The following FSTL5 variants were observed in gnomAD, a reference collection of about 807,000 sequenced individuals.
FSTL5 encodes the protein follistatin-related protein 5.
A neutral mutation model predicts 89.1 loss-of-function variants in FSTL5; 62 were observed. That is an observed-to-expected ratio of 0.70 (90% confidence interval 0.57 to 0.86). The LOEUF (loss-of-function observed/expected upper bound fraction) is 0.86, where lower values mean the gene tolerates loss of function less well. Ranked by LOEUF, FSTL5 falls within the 40% of genes least tolerant of loss-of-function variation. FSTL5 has a pLI of 0.00. For synonymous variants in FSTL5, 383 were observed against 346.2 expected (o/e 1.11, Z -1.18); for missense variants, 1,057 against 1,001.6 (o/e 1.06, Z -0.75).
intron 8 of FSTL5, among the ~76,000 whole-genome samples, chr4:161,555,836 G>A: frequency 6.6e-6 from 1 of 151,692 alleles, no homozygotes; most frequent in Non-Finnish European, 1.5e-5. Context: ...TGGCTACACA[G>A]AGAATGTCTA....
At chr4:162,140,595 T>G (rs183773864) in intron 1 of FSTL5, among the ~76,000 whole-genome samples, 1 of 145,808 alleles carries the variant, frequency 6.9e-6, no homozygotes, top group East Asian at 2.0e-4. Flanking sequence ...TTGGAGGATC[T>G]GACAGATGAG....
At chr4:161,723,959 T>C (rs908295616) in intron 6 of FSTL5, among the ~76,000 whole-genome samples, 1 of 152,116 alleles carries the variant, frequency 6.6e-6, no homozygotes, top group Admixed American at 6.5e-5. Context: ...CTATTAAATG[T>C]TGAAAGCCAT....
chr4:161,508,102 G>T (rs1429468599), intron 11 of FSTL5, among the ~76,000 whole-genome samples: 3 of 151,864 alleles, frequency 2.0e-5, no homozygotes, highest in African/African-American at 7.2e-5. Context: ...AGAAAATTTA[G>T]TTACCTATAA....
intron 4 of FSTL5, among the ~76,000 whole-genome samples, chr4:161,863,997 T>C (rs1434273403): frequency 6.6e-6 from 1 of 152,238 alleles, no homozygotes; most frequent in Non-Finnish European, 1.5e-5. Flanking sequence ...TAACTCAAGG[T>C]GTTCTATTTA....
chr4:161,537,649 C>T (rs1292754356), intron 10 of FSTL5, among the ~76,000 whole-genome samples: 1 of 152,114 alleles, frequency 6.6e-6, no homozygotes, highest in South Asian at 2.1e-4. Flanking sequence ...TAGCACTAAA[C>T]CAAGAACAGC....
chr4:161,566,888 G>A (rs1318774886), intron 8 of FSTL5, among the ~76,000 whole-genome samples: 1 of 152,012 alleles, frequency 6.6e-6, no homozygotes, highest in African/African-American at 2.4e-5. Context: ...GTGCACCAGA[G>A]GCAGCAAATT....
In FSTL5 at chr4:161,762,023, T is replaced by G. The variant is rs79498064; in HGVS notation, c.607-2492A>C. ...TTCCTATGACTTTTCTTCTTTTCTGTTTTTTCACATCTTTATTGAGGTATG... is the reference window on the plus strand; with the variant it reads ...TTCCTATGACTTTTCTTCTTTTCTGGTTTTTCACATCTTTATTGAGGTATG... On this transcript the variant is annotated intron_variant, in intron 5 of 15. Coordinates refer to ENST00000306100, the MANE Select transcript of FSTL5 (RefSeq NM_020116.5). 7.8e-3 allele frequency among the ~76,000 whole-genome samples: 1,180 copies of G among 152,240 alleles called. 14 individuals are homozygous for G. Among genetic ancestry groups the G allele is most frequent in the East Asian group, 0.031 (160 of 5,166 alleles).
At chr4:161,490,670 A>G (rs1410218367) in intron 12 of FSTL5, among the ~76,000 whole-genome samples, 1 of 152,160 alleles carries the variant, frequency 6.6e-6, no homozygotes, top group Non-Finnish European at 1.5e-5. Flanking sequence ...ACTACTATTG[A>G]CTGAAAAAAT....
intron 5 of FSTL5, among the ~76,000 whole-genome samples, chr4:161,774,027 C>A (rs1410084078): frequency 2.6e-5 from 4 of 151,938 alleles, no homozygotes; most frequent in Non-Finnish European, 4.4e-5. Flanking sequence ...TTTGGGAGGA[C>A]GAGACTGGTG....
chr4:161,478,863 G>C (rs1445584243), intron 13 of FSTL5, among the ~76,000 whole-genome samples: 1 of 151,906 alleles, frequency 6.6e-6, no homozygotes, highest in Non-Finnish European at 1.5e-5. Flanking sequence ...AGCAATAAAA[G>C]AAAGAATTAC....
intron 4 of FSTL5, among the ~76,000 whole-genome samples, chr4:161,777,045 A>C (rs1386776918): frequency 6.6e-6 from 1 of 151,912 alleles, no homozygotes; most frequent in Non-Finnish European, 1.5e-5. Flanking sequence ...TATCTTTCCC[A>C]ACCTCTGGTA....
chr4:162,013,613 A>C (rs1050873225), intron 3 of FSTL5, among the ~76,000 whole-genome samples: 2 of 152,132 alleles, frequency 1.3e-5, no homozygotes, highest in Admixed American at 1.3e-4. Context: ...TTCTAAGATT[A>C]TTCTTCTCTG....
intron 15 of FSTL5, among the ~76,000 whole-genome samples, chr4:161,439,816 T>A (rs1732697681): frequency 6.6e-6 from 1 of 152,288 alleles, no homozygotes; most frequent in African/African-American, 2.4e-5. Flanking sequence ...AAATTTTTTA[T>A]GCAAAATTAA....
At chr4:161,477,817 TAAACA>T (rs1202030080) in intron 13 of FSTL5, among the ~76,000 whole-genome samples, 1 of 152,014 alleles carries the variant, frequency 6.6e-6, no homozygotes, top group Non-Finnish European at 1.5e-5. Context: ...AGTAAAATAA[TAAACA>T]AAATGATCAT....
intron 1 of FSTL5, among the ~76,000 whole-genome samples, chr4:162,113,475 T>G (rs928547694): frequency 1.3e-5 from 2 of 152,076 alleles, no homozygotes; most frequent in Non-Finnish European, 2.9e-5. Context: ...GCATCTTAAG[T>G]CCACTCTCCA....
chr4:161,538,065 G>T, intron 10 of FSTL5, 101 bp downstream of exon 10: 5 of 1,031,112 alleles, frequency 4.8e-6, no homozygotes, highest in South Asian at 1.6e-5. Context: ...ATAATGCATT[G>T]TGCAATTCAC....
At chr4:162,090,427 T>G (rs1247425422) in intron 2 of FSTL5, among the ~76,000 whole-genome samples, 3 of 151,594 alleles carry the variant, frequency 2.0e-5, no homozygotes, top group Admixed American at 1.3e-4. Context: ...AGCAGGAAAA[T>G]GACATTAATA....
chr4:161,477,077 T>C (rs1044133024), intron 13 of FSTL5, among the ~76,000 whole-genome samples: 3 of 152,130 alleles, frequency 2.0e-5, no homozygotes, highest in East Asian at 1.9e-4. Context: ...TCCATTTACA[T>C]TGGTGATAAA....
chr4:161,475,233 C>T (rs1294381605), intron 13 of FSTL5, among the ~76,000 whole-genome samples: 1 of 152,098 alleles, frequency 6.6e-6, no homozygotes, highest in African/African-American at 2.4e-5. Context: ...ATGTTGGTCA[C>T]TTTTGTTTAT....
Sources: gnomAD v4.1 joint callset for allele counts (sites outside exome capture counted in the v4.1 genomes callset) on GRCh38, gnomAD v4.1.1 for gene constraint, MANE v1.5 for transcripts, NCBI Gene and HGNC (gene_info 2026-07-23, HGNC 2026-07-21) for gene names.